Variants in RIMS2 observed in about 807,000 individuals in gnomAD.
The protein encoded by RIMS2 is regulating synaptic membrane exocytosis 2.
Under a neutral mutation model 174.4 loss-of-function variants are expected in RIMS2, and 59 were observed. The observed-to-expected ratio is 0.34, with a 90% CI of 0.27 to 0.42. RIMS2 has a LOEUF of 0.42. RIMS2 is among the 10% of genes least tolerant of loss of function. RIMS2 has a pLI of 1.00. For synonymous variants in RIMS2, 606 were observed against 572.5 expected, an observed-to-expected ratio of 1.06 and a Z score of -0.84; for missense variants, 1,620 against 1,666.3, an observed-to-expected ratio of 0.97 and a Z score of 0.48.
chr8:103,666,834 A>T (rs1235724142), intron 1 of RIMS2, among the ~76,000 whole-genome samples: 1 of 151,904 alleles, frequency 6.6e-6, no homozygotes, highest in African/African-American at 2.4e-5. Flanking sequence ...CATTAGCACT[A>T]CTCTTAGTTA....
At chr8:104,093,718 T>C in intron 19 of RIMS2, 75 bp downstream of exon 24, 1 of 1,168,614 alleles carries the variant, frequency 8.6e-7, no homozygotes, top group Admixed American at 2.5e-5. Context: ...GAACATAAAA[T>C]TATTTATTTC....
chr8:103,621,330 C>T (rs959452455), intron 1 of RIMS2, among the ~76,000 whole-genome samples: 2 of 152,168 alleles, frequency 1.3e-5, no homozygotes, highest in Admixed American at 6.6e-5. Flanking sequence ...TTGGCTGGAA[C>T]GGGACCTCAC....
chr8:103,550,400 G>A (rs1847192540), intron 1 of RIMS2, among the ~76,000 whole-genome samples: 5 of 152,170 alleles, frequency 3.3e-5, no homozygotes, highest in Admixed American at 3.3e-4. Flanking sequence ...GATGTTTCTT[G>A]AAACCAGTGA....
intron 19 of RIMS2, among the ~76,000 whole-genome samples, chr8:104,049,408 G>A (rs1243646774): frequency 6.6e-6 from 1 of 152,158 alleles, no homozygotes; most frequent in African/African-American, 2.4e-5. Context: ...CTGGGCGACA[G>A]AGCGGAGACT....
At position 103,649,725 on chromosome 8, in the gene RIMS2, T is replaced by C. The variant is rs533454146; in HGVS notation, c.177-47361T>C. 3.1e-4 allele frequency among the ~76,000 whole-genome samples: 47 copies of C among 152,204 alleles called. No individual in the cohort carries two copies. The South Asian group carries it at 9.7e-3, about 32-fold the overall frequency. On this transcript the variant is annotated intron_variant, in intron 1 of 23. Transcript: ENST00000504942. ...GTCTTCAAGCTCTGAGATTCTTTTC[T>C]CTGCTTGGTCTATAGTTCTCATGTT...
At chr8:104,153,569 A>G (rs2098703251) in intron 19 of RIMS2, among the ~76,000 whole-genome samples, 1 of 152,192 alleles carries the variant, frequency 6.6e-6, no homozygotes, top group South Asian at 2.1e-4. Context: ...CAGTTATTAC[A>G]TGATTAAGTG....
At chr8:104,206,035 T>C (rs2099078548) in intron 19 of RIMS2, among the ~76,000 whole-genome samples, 1 of 152,182 alleles carries the variant, frequency 6.6e-6, no homozygotes, top group African/African-American at 2.4e-5. Flanking sequence ...GGATTACAGA[T>C]GTGAAGCACT....
intron 2 of RIMS2, among the ~76,000 whole-genome samples, chr8:103,734,909 C>T (rs1027681658): frequency 7.1e-6 from 1 of 141,444 alleles, no homozygotes; most frequent in Non-Finnish European, 1.6e-5. Context: ...TCTAATCACA[C>T]TTCTGTGCCA....
intron 1 of RIMS2, among the ~76,000 whole-genome samples, chr8:103,689,195 T>C (rs1168476615): frequency 6.6e-6 from 1 of 152,172 alleles, no homozygotes; most frequent in African/African-American, 2.4e-5. Context: ...TCTAGTTTTA[T>C]TTCATTGTGG....
intron 19 of RIMS2, among the ~76,000 whole-genome samples, chr8:104,158,808 T>C (rs2098742112): frequency 1.3e-5 from 2 of 152,204 alleles, no homozygotes; most frequent in Admixed American, 1.3e-4. Flanking sequence ...CTTTTTCAGA[T>C]GGATAGATTG....
At chr8:103,529,097 A>T (rs1399370842) in intron 1 of RIMS2, among the ~76,000 whole-genome samples, 1 of 152,158 alleles carries the variant, frequency 6.6e-6, no homozygotes, top group Admixed American at 6.5e-5. Context: ...CTCCTTGAAG[A>T]GGTCCTTCAC....
intron 4 of RIMS2, among the ~76,000 whole-genome samples, chr8:103,901,639 AT>A (rs2073144329): frequency 1.3e-5 from 2 of 152,142 alleles, no homozygotes; most frequent in Non-Finnish European, 1.5e-5. Context: ...AAATTGTGTA[AT>A]TATTAAGATG....
At chr8:104,173,753 C>T (rs1188331832) in intron 19 of RIMS2, among the ~76,000 whole-genome samples, 3 of 148,862 alleles carry the variant, frequency 2.0e-5, no homozygotes, top group Admixed American at 6.7e-5. Flanking sequence ...TTCAGCCTCC[C>T]GAGTAGCTGG....
At chr8:104,161,980 C>T (rs544124013) in intron 19 of RIMS2, among the ~76,000 whole-genome samples, 10 of 152,342 alleles carry the variant, frequency 6.6e-5, no homozygotes, top group Non-Finnish European at 1.3e-4. Context: ...CTTCTGCCTT[C>T]CAGTCAGAGA....
intron 19 of RIMS2, among the ~76,000 whole-genome samples, chr8:104,118,354 G>GT (rs1339363117): frequency 9.2e-6 from 1 of 108,498 alleles, no homozygotes; most frequent in Non-Finnish European, 1.8e-5. Flanking sequence ...TTTATTTTTT[G>GT]TTTTTTTGTT....
intron 19 of RIMS2, among the ~76,000 whole-genome samples, chr8:104,145,306 AC>A (rs2098625952): frequency 6.6e-6 from 1 of 152,028 alleles, no homozygotes; most frequent in African/African-American, 2.4e-5. Flanking sequence ...GAAATCTATC[AC>A]TGAGATCCCA....
intron 3 of RIMS2, among the ~76,000 whole-genome samples, chr8:103,853,530 T>C (rs1243942057): frequency 6.6e-6 from 1 of 152,150 alleles, no homozygotes; most frequent in African/African-American, 2.4e-5. Context: ...TACATTGAAC[T>C]CTTTAATCCA....
chr8:103,550,663 T>TA (rs1847357504), intron 1 of RIMS2, among the ~76,000 whole-genome samples: 1 of 151,760 alleles, frequency 6.6e-6, no homozygotes, highest in African/African-American at 2.4e-5. Context: ...TCAATGTATC[T>TA]AGGAGCTGGT....
chr8:103,968,099 G>A (rs1316287439), intron 15 of RIMS2, among the ~76,000 whole-genome samples: 2 of 151,996 alleles, frequency 1.3e-5, no homozygotes, highest in Non-Finnish European at 1.5e-5. Flanking sequence ...GACCTTAGGT[G>A]ATCTGCCCGC....
Sources: allele counts gnomAD v4.1 joint callset (sites outside exome capture counted in the v4.1 genomes callset), GRCh38; gene constraint gnomAD v4.1.1; transcripts MANE v1.5; gene names NCBI Gene and HGNC (gene_info 2026-07-23, HGNC 2026-07-21).